The following SOAT1 variants were observed in gnomAD, a reference collection of about 807,000 sequenced individuals.
SOAT1 encodes acyl-coenzyme A:cholesterol acyltransferase 1.
SOAT1 carries 55 observed loss-of-function variants against 69.5 expected under a neutral mutation model. The observed-to-expected ratio is 0.79, with a 90% confidence interval of 0.64 to 0.99. The LOEUF (loss-of-function observed/expected upper bound fraction) is 0.99. SOAT1 is among the 50% of genes least tolerant of loss of function. SOAT1 has a pLI of 0.00. For missense variants in SOAT1, 580 were observed against 669.3 expected, an observed-to-expected ratio of 0.87 and a Z score of 1.47; for synonymous variants, 231 against 224.7, an observed-to-expected ratio of 1.03 and a Z score of -0.25.
chr1:179,326,173 G>A (rs1309545611), intron 3 of SOAT1, among the ~76,000 whole-genome samples: 8 of 152,140 alleles, frequency 5.3e-5, no homozygotes, highest in African/African-American at 1.9e-4. Context: ...AAAACTTGAG[G>A]CTAGATTATA....
rs2125009300 is a variant in SOAT1 at position 179,354,002 on chromosome 1, T to A, written c.*361T>A. 5.1e-6 allele frequency: 1 copy of A among 194,470 alleles called. No individual in the cohort carries two copies. The highest frequency in any genetic ancestry group is 1.0e-5 in the Non-Finnish European group (1 of 96,328). The allele number at this position is 194,470 out of a possible 1,614,324, so 12.0% of individuals were successfully genotyped here. On this transcript the variant is annotated 3_prime_UTR_variant, in exon 16 of 16. Transcript: ENST00000367619. ...ATAAACATCATAGTTTCTTGGCCACTGAATTAGCCAAAACACTTAGGAAGA... is the reference window on the plus strand; with the variant it reads ...ATAAACATCATAGTTTCTTGGCCACAGAATTAGCCAAAACACTTAGGAAGA...
intron 3 of SOAT1, among the ~76,000 whole-genome samples, chr1:179,333,833 C>CA (rs11378989): frequency 0.22 from 29,766 of 133,336 alleles, 3,148 homozygotes; most frequent in Non-Finnish European, 0.24. Flanking sequence ...AACTCCGTCT[C>CA]AAAAAAAAAA....
chr1:179,319,228 C>CTT (rs977591598), intron 2 of SOAT1, among the ~76,000 whole-genome samples: 1 of 110,244 alleles, frequency 9.1e-6, no homozygotes, highest in African/African-American at 3.3e-5. Context: ...GGTTATTGGG[C>CTT]TTTTTTTTTT....
intron 3 of SOAT1, among the ~76,000 whole-genome samples, chr1:179,327,551 G>T (rs547601033): frequency 1.3e-5 from 2 of 152,162 alleles, no homozygotes; most frequent in African/African-American, 4.8e-5. Flanking sequence ...AATACAGTAC[G>T]TCCAGTCGAA....
intron 2 of SOAT1, among the ~76,000 whole-genome samples, chr1:179,312,356 C>CA (rs1251909766): frequency 6.6e-6 from 1 of 152,106 alleles, no homozygotes; most frequent in Non-Finnish European, 1.5e-5. Context: ...GAAATAATGA[C>CA]AGAGGGTTAG....
rs1489921279 is a variant in SOAT1, at chr1:179,355,913, AGACTGTTCTAAGAAACT to A, written c.*2273_*2289del. 1 of 152,180 alleles carries A rather than the reference AGACTGTTCTAAGAAACT, an allele frequency of 6.6e-6. No homozygotes were observed. The highest frequency in any genetic ancestry group is 1.5e-5 in the Non-Finnish European group (1 of 68,026). The allele number at this position is 152,180 out of a possible 1,614,324, so 9.4% of individuals were successfully genotyped here. A position where few individuals can be genotyped will look rare whatever the true frequency, so the allele number is the denominator to read the frequency against. Reference sequence around the variant, plus strand: ...GAACTACAGACTGTTTAGAATGCTGAGACTGTTCTAAGAAACTTTCAAAAACAGTAGCACTTCAAGGA... The same window carrying A: ...GAACTACAGACTGTTTAGAATGCTGATTCAAAAACAGTAGCACTTCAAGGA... On this transcript the variant is annotated 3_prime_UTR_variant, in exon 16 of 16. Coordinates refer to ENST00000367619, the MANE Select transcript of SOAT1 (RefSeq NM_003101.6).
intron 11 of SOAT1, among the ~76,000 whole-genome samples, chr1:179,345,798 T>A: frequency 6.6e-6 from 1 of 152,114 alleles, no homozygotes; most frequent in Admixed American, 6.5e-5. Flanking sequence ...TATCCTCCTG[T>A]CTCAGCCTCT....
intron 2 of SOAT1, among the ~76,000 whole-genome samples, chr1:179,313,052 G>A (rs72715530): frequency 6.6e-6 from 1 of 152,188 alleles, no homozygotes; most frequent in Non-Finnish European, 1.5e-5. Context: ...GGAAGCAACC[G>A]GCAGTGTTCA....
intron 2 of SOAT1, among the ~76,000 whole-genome samples, chr1:179,319,624 T>G (rs899780302): frequency 1.3e-5 from 2 of 152,116 alleles, no homozygotes; most frequent in Admixed American, 6.6e-5. Context: ...TTATTTTATT[T>G]TACTTTATTT....
At chr1:179,326,038 C>T (rs1665779396) in intron 3 of SOAT1, among the ~76,000 whole-genome samples, 1 of 152,018 alleles carries the variant, frequency 6.6e-6, no homozygotes, top group Non-Finnish European at 1.5e-5. Context: ...GACTTGTTCC[C>T]TGATGTTAAG....
At chr1:179,323,989 C>CT (rs1366675957) in intron 3 of SOAT1, among the ~76,000 whole-genome samples, 2 of 152,042 alleles carry the variant, frequency 1.3e-5, no homozygotes, top group African/African-American at 4.8e-5. Flanking sequence ...GCGAAGAACA[C>CT]TTTTTTAAAA....
In SOAT1 at chr1:179,347,585, T is replaced by A. The variant is rs553478341; in HGVS notation, c.1118-15T>A. 1 of 1,513,742 alleles carries A rather than the reference T, an allele frequency of 6.6e-7. No homozygotes were observed. The highest frequency in any genetic ancestry group is 9.2e-7 in the Non-Finnish European group (1 of 1,091,128). The allele number at this position is 1,513,742 out of a possible 1,614,324, so 93.8% of individuals were successfully genotyped here. ...TATTTGGAAAGACTGTTAATATTGT[T>A]AATCTTATTTTTAGGTGTGCTGATT... On this transcript the variant is annotated splice_polypyrimidine_tract_variant and intron_variant, in intron 11 of 15. Transcript: ENST00000367619.
chr1:179,327,305 G>A (rs12130347), intron 3 of SOAT1, among the ~76,000 whole-genome samples: 7 of 151,952 alleles, frequency 4.6e-5, no homozygotes, highest in Non-Finnish European at 4.4e-5. Flanking sequence ...GAATCTTTCC[G>A]GTCATTTATA....
At chr1:179,351,593 G>C in intron 15 of SOAT1, 131 bp downstream of exon 15, 6 of 783,292 alleles carry the variant, frequency 7.7e-6, no homozygotes, top group Non-Finnish European at 1.2e-5. Context: ...GAAATGAGGA[G>C]TAAAAGCATT....
rs541304403 is a variant in SOAT1, at chr1:179,356,603, C to T, written c.*2962C>T. The T allele has an allele frequency of 1.1e-4, 17 of 150,856 alleles. No homozygotes were observed. The highest frequency in any genetic ancestry group is 2.2e-4 in the Non-Finnish European group (15 of 67,900). 9.3% of individuals were successfully genotyped at this position (150,856 alleles called of 1,614,324 possible). A position where few individuals can be genotyped will look rare whatever the true frequency, so the allele number is the denominator to read the frequency against. On this transcript the variant is annotated 3_prime_UTR_variant, in exon 16 of 16. Coordinates refer to ENST00000367619, the MANE Select transcript of SOAT1 (RefSeq NM_003101.6). ...CTCCTGGAGTCAAGGGATCTATTTG[C>T]CTCAGCCTCTCAAAGTGCTGGGATT...
intron 10 of SOAT1, among the ~76,000 whole-genome samples, chr1:179,344,014 A>G (rs1272046585): frequency 6.6e-6 from 1 of 152,076 alleles, no homozygotes; most frequent in Non-Finnish European, 1.5e-5. Context: ...TCAGCTACTC[A>G]GGAGGCTGAG....
Position 179,353,770 on chromosome 1 carries a change from C to G in SOAT1, c.*129C>G. 1.3e-6 allele frequency: 1 copy of G among 784,962 alleles called. No individual in the cohort carries two copies. Among genetic ancestry groups the G allele is most frequent in the Admixed American group, 2.4e-5 (1 of 41,706 alleles). 48.6% of individuals were successfully genotyped at this position (784,962 alleles called of 1,614,324 possible). A position where few individuals can be genotyped will look rare whatever the true frequency, so the allele number is the denominator to read the frequency against. On this transcript the variant is annotated 3_prime_UTR_variant, in exon 16 of 16. Transcript: ENST00000367619. ...CACTCCAGGCTTTACAGATGACTCA[C>G]TCCATTCCTAGGTCACTTGAAGCCA...
intron 2 of SOAT1, among the ~76,000 whole-genome samples, chr1:179,316,142 A>G (rs1289182901): frequency 6.6e-6 from 1 of 151,948 alleles, no homozygotes; most frequent in Non-Finnish European, 1.5e-5. Context: ...TCAGCTCAGT[A>G]TTTTCCTGCA....
intron 6 of SOAT1, 80 bp from the exon 7 acceptor site, chr1:179,340,948 T>C: frequency 7.4e-7 from 1 of 1,353,866 alleles, no homozygotes; most frequent in Admixed American, 2.3e-5. Context: ...AGTTTGGTGT[T>C]TGAAACTTTT....
Sources: allele counts gnomAD v4.1 joint callset (sites outside exome capture counted in the v4.1 genomes callset), GRCh38; gene constraint gnomAD v4.1.1; transcripts MANE v1.5; gene names NCBI Gene and HGNC (gene_info 2026-07-23, HGNC 2026-07-21).